PEX19: variants seen among roughly 807,000 people sequenced by gnomAD.
The protein encoded by PEX19 is peroxisomal biogenesis factor 19.
A neutral mutation model predicts 36.3 loss-of-function variants in PEX19; 29 were observed. The ratio of observed to expected loss-of-function variants is 0.80; its 90% confidence interval spans 0.60 to 1.09. The LOEUF (loss-of-function observed/expected upper bound fraction) is 1.09, where lower values mean the gene tolerates loss of function less well. Among genes scored for constraint, PEX19 ranks in the 50% least tolerant of loss-of-function variants. The probability of loss-of-function intolerance (pLI) is 0.00; values close to 1 mark genes in which losing one functional copy is unlikely to be tolerated. For synonymous variants in PEX19, 141 were observed against 135.2 expected (o/e 1.04, Z -0.30); for missense variants, 396 against 368.1 (o/e 1.08, Z -0.62).
chr1:160,284,140 T>A, intron 1 of PEX19: 2 of 471,870 alleles, frequency 4.2e-6, no homozygotes, highest in Non-Finnish European at 8.8e-6. Flanking sequence ...CCAGACTCCA[T>A]GGTACGGCAT....
At chr1:160,284,634 G>A (rs934461717) in intron 1 of PEX19, among the ~76,000 whole-genome samples, 4 of 152,212 alleles carry the variant, frequency 2.6e-5, no homozygotes, top group African/African-American at 7.2e-5. Context: ...AAGGAAGACA[G>A]GACGAGGCAC....
At chr1:160,282,263 C>T (rs1017941060) in intron 4 of PEX19, 63 bp from the exon 5 acceptor site, 27 of 1,567,696 alleles carry the variant, frequency 1.7e-5, no homozygotes, top group Middle Eastern at 1.9e-4. Context: ...ACCACTCTCT[C>T]AGGTGACAAA....
intron 1 of PEX19, among the ~76,000 whole-genome samples, chr1:160,284,653 C>T (rs766200525): frequency 6.6e-6 from 1 of 152,188 alleles, no homozygotes; most frequent in Non-Finnish European, 1.5e-5. Context: ...ACACAAGGAC[C>T]GGCCACGAGC....
chr1:160,282,599 A>C, intron 3 of PEX19, 97 bp from the exon 4 acceptor site: 1 of 901,458 alleles, frequency 1.1e-6, no homozygotes, highest in Non-Finnish European at 1.9e-6. Context: ...TTACTAGTGA[A>C]TCATTATCAC....
Position 160,283,600 on chromosome 1 carries a change from G to A in PEX19, c.110C>T (p.Ala37Val), listed in dbSNP as rs575112594. 2.8e-5 allele frequency: 46 copies of A among 1,614,046 alleles called. No homozygotes were observed. Among genetic ancestry groups the A allele is most frequent in the Non-Finnish European group, 3.8e-5 (45 of 1,179,996 alleles). ...DDFDKAKPSP[A>V]PPSTTTAPDA... ...AGGGGCCGTGGTGGTAGAAGGGGGT[G>A]CTGGGGAGGGTTTGGCTTTATCGAA... Residue 37 changes from alanine to valine, a missense_variant, in exon 2 of 8, where the codon GCA becomes GTA. Coordinates refer to ENST00000368072, the MANE Select transcript of PEX19 (RefSeq NM_002857.4).
In PEX19 at chr1:160,285,104, G is replaced by T. The variant is rs140039683; in HGVS notation, c.21C>A (p.Gly7=). MAAAEE[G]CSVGAEADRE... ...TGTCCGCTTCGGCCCCGACACTACAGCCTTCCTCAGCGGCGGCCATCTTGC... is the reference window on the plus strand; with the variant it reads ...TGTCCGCTTCGGCCCCGACACTACATCCTTCCTCAGCGGCGGCCATCTTGC... The change falls in exon 1 of 8, where the codon GGC becomes GGA. Residue 7 remains glycine (G), a synonymous_variant. Coordinates refer to ENST00000368072, the MANE Select transcript of PEX19 (RefSeq NM_002857.4). The T allele has an allele frequency of 3.1e-6, 5 of 1,613,914 alleles. No individual in the cohort carries two copies. The highest frequency in any genetic ancestry group is 3.4e-6 in the Non-Finnish European group (4 of 1,179,850).
At chr1:160,284,108 GCA>G (rs1271685782) in intron 1 of PEX19, 1 of 472,004 alleles carries the variant, frequency 2.1e-6, no homozygotes, top group East Asian at 6.9e-5. Flanking sequence ...ACTGGTACCA[GCA>G]CAGACTGAGG....
At chr1:160,283,717 G>T (rs780641764) in intron 1 of PEX19, 78 bp from the exon 2 acceptor site, 34 of 1,144,370 alleles carry the variant, frequency 3.0e-5, no homozygotes, top group Non-Finnish European at 4.2e-5. Flanking sequence ...TCTGGGCAAA[G>T]CATTAGGAAT....
intron 5 of PEX19, chr1:160,281,337 T>C (rs1420551141): frequency 6.5e-6 from 1 of 152,994 alleles, no homozygotes; most frequent in East Asian, 1.9e-4. Context: ...TATAAGCTCT[T>C]TTATGGCAGG....
intron 1 of PEX19, 96 bp downstream of exon 1, chr1:160,284,959 C>T (rs1313449430): frequency 4.2e-6 from 4 of 959,850 alleles, no homozygotes; most frequent in Non-Finnish European, 6.8e-6. Context: ...TTTGGAGAGC[C>T]TCTCCTGCCC....
intron 5 of PEX19, 22 bp from the exon 6 acceptor site, chr1:160,280,268 G>T (rs754384175): frequency 6.2e-7 from 1 of 1,604,116 alleles, no homozygotes; most frequent in East Asian, 2.2e-5. Context: ...GAGAATGGGT[G>T]GAAAAGAATT....
In PEX19 at chr1:160,277,494, A is replaced by C. The variant is rs56089807; in HGVS notation, c.*2057T>G. 3,464 of 455,832 alleles carry C rather than the reference A, an allele frequency of 7.6e-3. 61 individuals are homozygous for C. The highest frequency in any genetic ancestry group is 0.042 in the African/African-American group (2,113 of 50,182). The allele number at this position is 455,832 out of a possible 1,614,324, so 28.2% of individuals were successfully genotyped here. A position where few individuals can be genotyped will look rare whatever the true frequency, so the allele number is the denominator to read the frequency against. On this transcript the variant is annotated 3_prime_UTR_variant, in exon 8 of 8. Transcript: ENST00000368072. ...AGAAAGACTGCCCTAGAGTACCATA[A>C]CTCCACCACAAGTCCTGGAATAATT...
chr1:160,281,942 A>G (rs1657786422), intron 5 of PEX19, 97 bp downstream of exon 5: 1 of 1,034,332 alleles, frequency 9.7e-7, no homozygotes, highest in Non-Finnish European at 1.5e-6. Flanking sequence ...AGCACACTCG[A>G]GTTACTCTTT....
In PEX19 at chr1:160,282,405, C is replaced by T. The variant is rs1265994490; in HGVS notation, c.432+12G>A. Reference sequence around the variant, plus strand: ...GTGGACCCCTTGTGGGCCCCTACTACTTTCTCCTCACCTGAAGGTCAGTGG... The same window carrying T: ...GTGGACCCCTTGTGGGCCCCTACTATTTTCTCCTCACCTGAAGGTCAGTGG... On this transcript the variant is annotated intron_variant, in intron 4 of 7. Coordinates refer to ENST00000368072, the MANE Select transcript of PEX19 (RefSeq NM_002857.4). 3.7e-6 allele frequency: 6 copies of T among 1,607,464 alleles called. No homozygotes were observed. Among genetic ancestry groups the T allele is most frequent in the Non-Finnish European group, 5.1e-6 (6 of 1,174,040 alleles).
At position 160,279,170 on chromosome 1, in the gene PEX19, G is replaced by A; in HGVS notation, c.*381C>T. ...CTCTGCCCCTCCTCCCCAGATCCAA[G>A]AGAGGGAGTAGAGACAAGGCACAAA... On this transcript the variant is annotated 3_prime_UTR_variant, in exon 8 of 8. Coordinates refer to ENST00000368072, the MANE Select transcript of PEX19 (RefSeq NM_002857.4). The A allele has an allele frequency of 2.2e-6, 1 of 457,924 alleles. No individual in the cohort carries two copies. The highest frequency in any genetic ancestry group is 4.4e-6 in the Non-Finnish European group (1 of 229,192). The allele number at this position is 457,924 out of a possible 1,614,324, so 28.4% of individuals were successfully genotyped here.
rs1449848748 is a variant in PEX19 at position 160,277,533 on chromosome 1, G to C, written c.*2018C>G. Reference sequence around the variant, plus strand: ...CCTGGAATAATTCCAAAAGTTTTTGGAACAAAGTGTGACCTGAGGTCAACC... The same window carrying C: ...CCTGGAATAATTCCAAAAGTTTTTGCAACAAAGTGTGACCTGAGGTCAACC... On this transcript the variant is annotated 3_prime_UTR_variant, in exon 8 of 8. Transcript: ENST00000368072. 1 of 454,784 alleles carries C rather than the reference G, an allele frequency of 2.2e-6. No homozygotes were observed. The highest frequency in any genetic ancestry group is 4.4e-6 in the Non-Finnish European group (1 of 226,802). 28.2% of individuals were successfully genotyped at this position (454,784 alleles called of 1,614,324 possible).
Position 160,279,881 on chromosome 1 carries a change from A to T in PEX19, c.772-36T>A, listed in dbSNP as rs763293000. The T allele has an allele frequency of 3.8e-6, 6 of 1,561,330 alleles. No homozygotes were observed. The East Asian group carries it at 1.3e-4, about 35-fold the overall frequency. ...AGGAAAATGGAACATGAAATAGAGA[A>T]AAGCCCAGAAAACAACAGAGGATCC... On this transcript the variant is annotated intron_variant, in intron 6 of 7. Coordinates refer to ENST00000368072, the MANE Select transcript of PEX19 (RefSeq NM_002857.4).
At chr1:160,284,050 A>G (rs529022650) in intron 1 of PEX19, 2 of 472,080 alleles carry the variant, frequency 4.2e-6, no homozygotes, top group East Asian at 6.9e-5. Context: ...TCTAAAAGGA[A>G]TAACTTGGTG....
rs146846475 is a variant in PEX19 at position 160,279,831 on chromosome 1, G to A, written c.786C>T (p.Gly262=). The A allele has an allele frequency of 3.7e-5, 60 of 1,612,898 alleles. No individual in the cohort carries two copies. Among genetic ancestry groups the A allele is most frequent in the Non-Finnish European group, 4.7e-5 (56 of 1,178,976 alleles). ...CTCCAGCCAGCTCTTTTGGAGGATG[G>A]CCTAAATCTTGTAGCTAGAAAATAA... is the stretch of plus-strand genomic sequence containing the variant. ...LDLMQQLQDL[G]HPPKELAGEM... The change falls in exon 7 of 8, where the codon GGC becomes GGT. Residue 262 remains glycine (G), a synonymous_variant. Transcript: ENST00000368072.
Sources: allele counts gnomAD v4.1 joint callset (sites outside exome capture counted in the v4.1 genomes callset), GRCh38; gene constraint gnomAD v4.1.1; transcripts MANE v1.5; gene names NCBI Gene and HGNC (gene_info 2026-07-23, HGNC 2026-07-21).